Variants in CFAP119 observed in about 807,000 individuals in gnomAD.
CFAP119 encodes the protein cilia and flagella associated protein 119.
chr16:30,758,796 C>G, the CFAP119 span: 1 of 753,566 alleles, frequency 1.3e-6, no homozygotes, highest in Non-Finnish European at 2.1e-6. Flanking sequence ...CTCAGGCAAT[C>G]CGCCTGCCTC....
At chr16:30,761,848 G>C in the CFAP119 span, 3 of 1,168,486 alleles carry the variant, frequency 2.6e-6, no homozygotes, top group Non-Finnish European at 3.5e-6. Flanking sequence ...GGGCCCGTTC[G>C]CCTCGCTCCG....
chr16:30,761,080 G>T, the CFAP119 span: 1 of 1,153,998 alleles, frequency 8.7e-7, no homozygotes, highest in Non-Finnish European at 1.2e-6. Context: ...TGGAGTAATT[G>T]CATCTCCAGG....
chr16:30,759,599 G>C, the CFAP119 span: 1 of 1,614,130 alleles, frequency 6.2e-7, no homozygotes, highest in Non-Finnish European at 8.5e-7. Flanking sequence ...GAGAGACTGG[G>C]TGAGACCTTG....
chr16:30,761,343 G>C, the CFAP119 span: 25 of 1,510,528 alleles, frequency 1.7e-5, no homozygotes, highest in Admixed American at 2.0e-4. Context: ...GGACTAAGGA[G>C]AGGCGCGGGC....
At chr16:30,760,776 CTT>C in the CFAP119 span, 3 of 940,144 alleles carry the variant, frequency 3.2e-6, no homozygotes, top group Admixed American at 2.0e-5. Context: ...AAGCTGGGCT[CTT>C]TTGCCAGCTT....
the CFAP119 span, chr16:30,761,535 C>T: frequency 1.6e-5 from 25 of 1,536,144 alleles, no homozygotes; most frequent in South Asian, 2.4e-4. Flanking sequence ...CCAGACTGTC[C>T]CGCCCTCACC....
At chr16:30,761,875 A>T in the CFAP119 span, 1 of 973,544 alleles carries the variant, frequency 1.0e-6, no homozygotes, top group South Asian at 1.8e-5. Flanking sequence ...CTACGCGCGG[A>T]GAGGCGCGGC....
At chr16:30,761,243 G>A in the CFAP119 span, 3 of 1,613,580 alleles carry the variant, frequency 1.9e-6, no homozygotes. Flanking sequence ...CGGAAAGAAA[G>A]CGAATTGGGG....
the CFAP119 span, chr16:30,760,650 AT>A: frequency 6.4e-7 from 1 of 1,553,822 alleles, no homozygotes; most frequent in Non-Finnish European, 8.7e-7. Flanking sequence ...GGTGCATGGA[AT>A]GGACGTCCAG....
At chr16:30,760,579 T>A in the CFAP119 span, 2 of 1,565,962 alleles carry the variant, frequency 1.3e-6, no homozygotes, top group Non-Finnish European at 1.7e-6. Context: ...TGCCAAGAGC[T>A]CTTCCCACGC....
At chr16:30,760,172 A>C in the CFAP119 span, 6 of 1,599,176 alleles carry the variant, frequency 3.8e-6, no homozygotes, top group Admixed American at 1.7e-5. Flanking sequence ...GATGCTACTA[A>C]TAATGACATA....
chr16:30,762,056 C>A, the CFAP119 span: 3 of 455,126 alleles, frequency 6.6e-6, no homozygotes, highest in South Asian at 9.6e-5. Flanking sequence ...TTCCAGGTTG[C>A]TAATACGAGG....
chr16:30,761,432 G>A, the CFAP119 span: 1 of 1,469,532 alleles, frequency 6.8e-7, no homozygotes, highest in Non-Finnish European at 9.3e-7. Flanking sequence ...GCCTCTCCTC[G>A]CCCAAGCAGC....
At chr16:30,759,542 G>C in the CFAP119 span, 1 of 1,614,156 alleles carries the variant, frequency 6.2e-7, no homozygotes, top group Non-Finnish European at 8.5e-7. Context: ...CAGGAGCAAG[G>C]AGAGCCCACT....
chr16:30,759,619 G>T, the CFAP119 span: 1 of 1,614,084 alleles, frequency 6.2e-7, no homozygotes, highest in Non-Finnish European at 8.5e-7. Context: ...GTCTGGGGAT[G>T]GGTAAAGTTT....
chr16:30,760,709 TATC>T, the CFAP119 span: 1 of 1,533,132 alleles, frequency 6.5e-7, no homozygotes, highest in Non-Finnish European at 8.8e-7. Context: ...GGCCGTTACC[TATC>T]ATGACAAGGC....
the CFAP119 span, chr16:30,759,342 C>T: frequency 6.2e-7 from 1 of 1,613,582 alleles, no homozygotes; most frequent in East Asian, 2.2e-5. Flanking sequence ...CACCCCCTAC[C>T]TGGGGTGTGA....
At chr16:30,762,059 A>C in the CFAP119 span, 2 of 433,786 alleles carry the variant, frequency 4.6e-6, no homozygotes, top group East Asian at 4.3e-5. Context: ...CAGGTTGCTA[A>C]TACGAGGGCC....
the CFAP119 span, chr16:30,761,850 C>T: frequency 8.7e-7 from 1 of 1,150,892 alleles, no homozygotes; most frequent in South Asian, 1.7e-5. Context: ...GCCCGTTCGC[C>T]TCGCTCCGGC....
Sources: gnomAD v4.1 joint callset for allele counts on GRCh38, gnomAD v4.1.1 for gene constraint, MANE v1.5 for transcripts, NCBI Gene and HGNC (gene_info 2026-07-23, HGNC 2026-07-21) for gene names.